FAM120B: variants seen among roughly 807,000 people sequenced by gnomAD.
FAM120B encodes the protein constitutive coactivator of peroxisome proliferator-activated receptor gamma.
FAM120B carries 83 observed loss-of-function variants against 96.3 expected under a neutral mutation model. That is an observed-to-expected ratio of 0.86 (90% CI 0.72 to 1.03). The LOEUF is 1.03. Ranked by LOEUF, FAM120B falls within the 50% of genes least tolerant of loss-of-function variation. The pLI, the probability that FAM120B is intolerant of heterozygous loss-of-function variation, is 0.00. For synonymous variants in FAM120B, 407 were observed against 402.7 expected (o/e 1.01, Z -0.13); for missense variants, 1,027 against 1,121.2 (o/e 0.92, Z 1.20).
At position 170,391,052 on chromosome 6, in the gene FAM120B, G is replaced by A. The variant is rs1790454441; in HGVS notation, c.2530G>A (p.Val844Ile). The A allele has an allele frequency of 1.3e-5, 21 of 1,614,042 alleles. No individual in the cohort carries two copies. Among genetic ancestry groups the A allele is most frequent in the Non-Finnish European group, 1.7e-5 (20 of 1,180,046 alleles). The change falls in exon 8 of 11, where the codon GTC (valine) becomes ATC (isoleucine). Residue 844 changes from valine (V) to isoleucine (I), a missense_variant. Val to Ile is a conservative substitution (Grantham distance 29, BLOSUM62 3). Around this residue, in one of 3 missense-constraint regions of FAM120B, gnomAD observed 142 missense variants for 122.5 expected, o/e 1.16. Coordinates refer to ENST00000476287, the MANE Select transcript of FAM120B (RefSeq NM_032448.3). Reference sequence around the variant, plus strand: ...CAAATTCCACAACCTGAAGGCAGTCGTCTGCAAGGCCTGCATGAAGGAGAA... The same window carrying A: ...CAAATTCCACAACCTGAAGGCAGTCATCTGCAAGGCCTGCATGAAGGAGAA... ...LTKFHNLKAV[V>I]CKACMKENRR... is the part of the protein sequence containing the mutation.
At chr6:170,383,946 G>C (rs1450540310) in intron 6 of FAM120B, among the ~76,000 whole-genome samples, 1 of 152,216 alleles carries the variant, frequency 6.6e-6, no homozygotes, top group Non-Finnish European at 1.5e-5. Context: ...CAATAAAGAG[G>C]AATGAGTGGC....
At chr6:170,311,510 C>T (rs1305117443) in intron 1 of FAM120B, among the ~76,000 whole-genome samples, 1 of 152,170 alleles carries the variant, frequency 6.6e-6, no homozygotes, top group Admixed American at 6.5e-5. Flanking sequence ...AGATTTCCTC[C>T]GTGTTGCTCA....
intron 9 of FAM120B, among the ~76,000 whole-genome samples, chr6:170,399,293 G>C (rs1778401707): frequency 6.8e-6 from 1 of 146,666 alleles, no homozygotes. Flanking sequence ...GAGTGGGGAA[G>C]GTAGAACTAT....
chr6:170,299,611 G>T (rs1213332397), intron 1 of FAM120B, among the ~76,000 whole-genome samples: 1 of 152,136 alleles, frequency 6.6e-6, no homozygotes, highest in East Asian at 1.9e-4. Context: ...TAGTAATTTT[G>T]TATTTTTGTC....
chr6:170,383,092 G>A (rs1398705998), intron 6 of FAM120B, among the ~76,000 whole-genome samples: 49 of 126,372 alleles, frequency 3.9e-4, no homozygotes, highest in African/African-American at 1.3e-3. Flanking sequence ...ATACCCATAA[G>A]CCAAAAAAAG....
upstream of FAM120B, among the ~76,000 whole-genome samples, chr6:170,295,056 C>T (rs1269963843): frequency 1.3e-5 from 2 of 152,232 alleles, no homozygotes; most frequent in Non-Finnish European, 2.9e-5. This position sits in a 1 kb window ranked among gnomAD's most constrained non-coding sequence, Gnocchi z 7.8. Flanking sequence ...ACCCTCTGCC[C>T]ATTCTCCTTC....
At chr6:170,398,349 G>A (rs915705861) in intron 9 of FAM120B, among the ~76,000 whole-genome samples, 2 of 152,262 alleles carry the variant, frequency 1.3e-5, no homozygotes, top group Non-Finnish European at 2.9e-5. Context: ...ACTCTTAGGA[G>A]TGAGTGGGAA....
intron 6 of FAM120B, among the ~76,000 whole-genome samples, chr6:170,382,156 C>T (rs1399270978): frequency 6.6e-6 from 1 of 152,200 alleles, no homozygotes; most frequent in East Asian, 1.9e-4. Context: ...TGTGGTGGCT[C>T]ATGCCTGTAA....
chr6:170,298,582 C>G (rs1475410135), intron 1 of FAM120B, among the ~76,000 whole-genome samples: 1 of 150,690 alleles, frequency 6.6e-6, no homozygotes, highest in African/African-American at 2.4e-5. Context: ...TGTCGGTCAT[C>G]ATCACTAATA....
Position 170,389,836 on chromosome 6 carries a change from C to T in FAM120B, c.2491-1177C>T, listed in dbSNP as rs1424314258. Among the ~76,000 whole-genome samples the T allele has an allele frequency of 3.3e-5, 5 of 152,136 alleles. No individual in the cohort carries two copies. In the East Asian group the frequency reaches 9.6e-4, roughly 29 times the overall value. On this transcript the variant is annotated intron_variant, in intron 7 of 10. Transcript: ENST00000476287. ...TCAGCCTCCCAAAGTGCTGGGATTA[C>T]AGGTGTGAGCCACCGCGACCAGCCC...
chr6:170,361,246 ATATATATACGTG>A (rs1788433317), intron 6 of FAM120B, among the ~76,000 whole-genome samples: 2 of 140,494 alleles, frequency 1.4e-5, no homozygotes, highest in East Asian at 2.1e-4. Context: ...ACACGTATAT[ATATATATACGTG>A]TATATATATA....
intron 6 of FAM120B, among the ~76,000 whole-genome samples, chr6:170,362,195 G>C (rs146080124): frequency 1.6e-3 from 243 of 152,314 alleles, no homozygotes; most frequent in Non-Finnish European, 2.3e-3. Flanking sequence ...CAACTTGAAG[G>C]GGGGAGGTAG....
At chr6:170,314,904 C>G (rs1318953710) in intron 1 of FAM120B, among the ~76,000 whole-genome samples, 2 of 152,192 alleles carry the variant, frequency 1.3e-5, no homozygotes, top group Admixed American at 1.3e-4. Flanking sequence ...ATGTCACACT[C>G]TAACTCATGA....
intron 3 of FAM120B, among the ~76,000 whole-genome samples, chr6:170,327,244 C>G (rs1353556166): frequency 6.6e-6 from 1 of 152,052 alleles, no homozygotes; most frequent in East Asian, 1.9e-4. Flanking sequence ...GACGGGGTTT[C>G]ACTGTGTTAG....
chr6:170,326,300 G>C lies in FAM120B; in HGVS notation c.1915+3041G>C, dbSNP rs556130222. On this transcript the variant is annotated intron_variant, in intron 3 of 10. Coordinates refer to ENST00000476287, the MANE Select transcript of FAM120B (RefSeq NM_032448.3). ...GTGTGGGTGTGTAGGTCTGTGCAAA[G>C]ATCCTGCAGCTACCACCACAGCCAA... Among the ~76,000 whole-genome samples, 104 of 151,964 alleles carry C rather than the reference G, an allele frequency of 6.8e-4. 1 individual carries two copies. The highest frequency in any genetic ancestry group is 6.8e-3 in the Middle Eastern group (2 of 294).
intron 4 of FAM120B, among the ~76,000 whole-genome samples, chr6:170,339,335 G>A (rs1786656171): frequency 6.6e-6 from 1 of 151,876 alleles, no homozygotes; most frequent in Non-Finnish European, 1.5e-5. Context: ...TAAAATTGAA[G>A]TTTTAAGGGA....
At chr6:170,366,259 C>CGA (rs1788788804) in intron 6 of FAM120B, among the ~76,000 whole-genome samples, 1 of 152,240 alleles carries the variant, frequency 6.6e-6, no homozygotes, top group Admixed American at 6.5e-5. Flanking sequence ...CCTGGTGAGA[C>CGA]GAGAGCTTGG....
chr6:170,315,069 G>A (rs1030143372), intron 1 of FAM120B, among the ~76,000 whole-genome samples: 1 of 152,172 alleles, frequency 6.6e-6, no homozygotes. Flanking sequence ...CCTCTGCTTC[G>A]ACTGTATTCA....
At chr6:170,343,868 G>T (rs1786998781) in intron 4 of FAM120B, among the ~76,000 whole-genome samples, 1 of 152,146 alleles carries the variant, frequency 6.6e-6, no homozygotes, top group Non-Finnish European at 1.5e-5. Flanking sequence ...TCACTAGTAT[G>T]TCACTTACGT....
Sources: allele counts gnomAD v4.1 joint callset (sites outside exome capture counted in the v4.1 genomes callset), GRCh38; gene constraint gnomAD v4.1.1; regional missense constraint gnomAD v4.1.1; non-coding constraint Gnocchi (gnomAD v3.1); transcripts MANE v1.5; gene names NCBI Gene and HGNC (gene_info 2026-07-23, HGNC 2026-07-21).